SLCO2A1: variants seen among roughly 807,000 people sequenced by gnomAD.
SLCO2A1 encodes solute carrier organic anion transporter family member 2A1.
SLCO2A1 carries 60 observed loss-of-function variants against 71.7 expected under a neutral mutation model. The observed-to-expected ratio is 0.84, with a 90% CI of 0.68 to 1.04. The LOEUF (loss-of-function observed/expected upper bound fraction) is 1.04, where lower values mean the gene tolerates loss of function less well. Ranked by LOEUF, SLCO2A1 falls within the 50% of genes least tolerant of loss-of-function variation. The pLI is 0.00. For synonymous variants in SLCO2A1, 308 were observed against 326.7 expected, an observed-to-expected ratio of 0.94 and a Z score of 0.62; for missense variants, 745 against 813.4, an observed-to-expected ratio of 0.92 and a Z score of 1.02.
At chr3:134,029,080 G>A (rs998468905) in intron 1 of SLCO2A1, among the ~76,000 whole-genome samples, 1 of 152,190 alleles carries the variant, frequency 6.6e-6, no homozygotes, top group African/African-American at 2.4e-5. Context: ...CTGAGCACGC[G>A]GGTTGGTTGC....
chr3:133,979,402 CT>C, intron 2 of SLCO2A1, 78 bp downstream of exon 2: 2 of 1,574,364 alleles, frequency 1.3e-6, no homozygotes, highest in Middle Eastern at 1.7e-4. Context: ...TCTCAGCCCC[CT>C]GTTCCTCTGC....
In SLCO2A1 at chr3:134,029,729, C is replaced by T. The variant is rs370772926; in HGVS notation, c.74G>A (p.Arg25His). The T allele has an allele frequency of 3.1e-6, 5 of 1,588,390 alleles. No individual in the cohort carries two copies. The highest frequency in any genetic ancestry group is 3.4e-6 in the Non-Finnish European group (4 of 1,171,438). ...CACCTTAATGTTGCCGAAGACCGAG[C>T]GGGCACAGCGGCCGGCTCGGCTAGT... ...TSTSRAGRCA[R>H]SVFGNIKVFV... Residue 25 changes from arginine to histidine, a missense_variant, in exon 1 of 14, where the codon CGC (arginine) becomes CAC (histidine). Physicochemically the swap from Arg to His is conservative, Grantham distance 29. Transcript: ENST00000310926.
At chr3:133,947,531 G>A (rs1933618770) in intron 8 of SLCO2A1, 86 bp from the exon 9 acceptor site, 1 of 1,151,820 alleles carries the variant, frequency 8.7e-7, no homozygotes, top group African/African-American at 1.6e-5. Flanking sequence ...TCACTGAGAA[G>A]GAAGCATGGC....
intron 5 of SLCO2A1, 42 bp from the exon 6 acceptor site, chr3:133,951,386 G>T (rs1486829302): frequency 6.2e-7 from 1 of 1,607,642 alleles, no homozygotes. Context: ...TTGAATGCAT[G>T]ATCTCACCTT....
chr3:133,938,321 GC>G (rs1933324625), intron 12 of SLCO2A1, 107 bp downstream of exon 12: 2 of 957,732 alleles, frequency 2.1e-6, no homozygotes, highest in Non-Finnish European at 3.4e-6. Flanking sequence ...GCTTCTCTTC[GC>G]CATGGAGATG....
chr3:133,945,187 G>A lies in SLCO2A1; in HGVS notation c.1369C>T (p.Pro457Ser), dbSNP rs1933537141. The A allele has an allele frequency of 6.2e-7, 1 of 1,614,178 alleles. No individual in the cohort carries two copies. ...TCGATTCCATTGTCTCCACAGACCG[G>A]GTGGAAGATAGAATCTGGGCACGAG... The part of the protein sequence containing the change: ...DCSCPDSIFH[P>S]VCGDNGIEYL... Residue 457 changes from proline (P) to serine (S), a missense_variant, in exon 10 of 14, where the codon CCG becomes TCG. By Grantham distance (74) the Pro-to-Ser change is moderately conservative. Coordinates refer to ENST00000310926, the MANE Select transcript of SLCO2A1 (RefSeq NM_005630.3).
intron 1 of SLCO2A1, among the ~76,000 whole-genome samples, chr3:133,992,862 C>T (rs1323334349): frequency 2.0e-5 from 3 of 152,220 alleles, no homozygotes; most frequent in African/African-American, 7.2e-5. Context: ...TTGCCATCTT[C>T]AATCCGTTCG....
At chr3:133,949,093 G>T in intron 6 of SLCO2A1, 122 bp from the exon 7 acceptor site, 1 of 759,788 alleles carries the variant, frequency 1.3e-6, no homozygotes, top group Non-Finnish European at 2.3e-6. Flanking sequence ...CCCTCCAGGC[G>T]TGTGTGCATG....
chr3:133,985,569 C>T (rs1244021186), intron 1 of SLCO2A1, among the ~76,000 whole-genome samples: 2 of 152,198 alleles, frequency 1.3e-5, no homozygotes, highest in Non-Finnish European at 2.9e-5. Flanking sequence ...CCTCACTCGA[C>T]TTTTTTTCTT....
At chr3:133,968,096 C>A (rs551362966) in intron 3 of SLCO2A1, among the ~76,000 whole-genome samples, 2 of 145,376 alleles carry the variant, frequency 1.4e-5, no homozygotes, top group East Asian at 4.0e-4. Context: ...ACACCCCAAC[C>A]CTCACCCCAC....
intron 3 of SLCO2A1, among the ~76,000 whole-genome samples, chr3:133,963,238 C>T (rs191575841): frequency 6.6e-6 from 1 of 152,306 alleles, no homozygotes; most frequent in African/African-American, 2.4e-5. Flanking sequence ...GGAAGGTCTA[C>T]TTCCCTAGAA....
chr3:133,949,105 G>T (rs929502998), intron 6 of SLCO2A1, 134 bp from the exon 7 acceptor site: 1 of 690,202 alleles, frequency 1.4e-6, no homozygotes, highest in African/African-American at 1.8e-5. Flanking sequence ...GTGTGCATGG[G>T]AGGGCATCCA....
chr3:133,965,338 G>T (rs1310257724), intron 3 of SLCO2A1, among the ~76,000 whole-genome samples: 3 of 152,204 alleles, frequency 2.0e-5, no homozygotes, highest in Non-Finnish European at 2.9e-5. Context: ...AGGGAAAACT[G>T]GCTCAAAGCA....
intron 3 of SLCO2A1, among the ~76,000 whole-genome samples, chr3:133,958,260 C>T (rs1933942119): frequency 6.6e-6 from 1 of 152,156 alleles, no homozygotes; most frequent in Non-Finnish European, 1.5e-5. Context: ...TTCCTATGAC[C>T]CTGAATTCGT....
chr3:134,025,791 C>G (rs1358204380), intron 1 of SLCO2A1, among the ~76,000 whole-genome samples: 4 of 152,118 alleles, frequency 2.6e-5, no homozygotes, highest in Non-Finnish European at 5.9e-5. Context: ...AAAAGAGGAG[C>G]GTGTGACCTT....
intron 3 of SLCO2A1, among the ~76,000 whole-genome samples, chr3:133,967,864 C>T (rs1408884570): frequency 2.0e-5 from 2 of 99,998 alleles, no homozygotes; most frequent in African/African-American, 7.3e-5. Flanking sequence ...CCCTCACAGG[C>T]ACCCCACCCC....
chr3:134,024,227 CAGA>C (rs1319180062), intron 1 of SLCO2A1, among the ~76,000 whole-genome samples: 1 of 152,180 alleles, frequency 6.6e-6, no homozygotes, highest in East Asian at 1.9e-4. Context: ...TTTCATCAAC[CAGA>C]AGGAGAAAAA....
chr3:134,025,503 C>T (rs939416029), intron 1 of SLCO2A1, among the ~76,000 whole-genome samples: 8 of 152,086 alleles, frequency 5.3e-5, no homozygotes, highest in African/African-American at 1.9e-4. Context: ...AAATTTGATG[C>T]CTGTGCTGTC....
At chr3:134,025,090 T>C (rs1183095184) in intron 1 of SLCO2A1, among the ~76,000 whole-genome samples, 1 of 152,132 alleles carries the variant, frequency 6.6e-6, no homozygotes, top group Non-Finnish European at 1.5e-5. Flanking sequence ...GACTGGTCCA[T>C]GCACGGCCGA....
Sources: allele counts gnomAD v4.1 joint callset (sites outside exome capture counted in the v4.1 genomes callset), GRCh38; gene constraint gnomAD v4.1.1; transcripts MANE v1.5; gene names NCBI Gene and HGNC (gene_info 2026-07-23, HGNC 2026-07-21).